FAM222B: variants seen among roughly 807,000 people sequenced by gnomAD.
FAM222B encodes family with sequence similarity 222 member B.
Under a neutral mutation model 38.0 loss-of-function variants are expected in FAM222B, and 12 were observed. The ratio of observed to expected loss-of-function variants is 0.32; its 90% CI spans 0.20 to 0.51. FAM222B has a LOEUF of 0.51. FAM222B is among the 20% of genes least tolerant of loss of function. FAM222B has a pLI of 0.97. For synonymous variants in FAM222B, 329 were observed against 317.2 expected (o/e 1.04, Z -0.40); for missense variants, 716 against 754.2 (o/e 0.95, Z 0.59).
intron 1 of FAM222B, among the ~76,000 whole-genome samples, chr17:28,803,815 T>TA (rs2037350610): frequency 6.6e-6 from 1 of 151,520 alleles, no homozygotes; most frequent in South Asian, 2.1e-4. Flanking sequence ...CCATCTCTAC[T>TA]AAAAAAATAC....
Position 28,822,737 on chromosome 17 carries a change from A to C in FAM222B, c.-41+19945T>G, listed in dbSNP as rs79759644. On this transcript the variant is annotated intron_variant, in intron 1 of 2. Transcript: ENST00000581407. ...GAACTGCTTAAAACCCAGGAGGTGGAGATTGCACTGAGCTGAGATCACGCC... is the reference window on the plus strand; with the variant it reads ...GAACTGCTTAAAACCCAGGAGGTGGCGATTGCACTGAGCTGAGATCACGCC... 2.6e-3 allele frequency among the ~76,000 whole-genome samples: 355 copies of C among 136,378 alleles called. 4 individuals carry two copies. The highest frequency in any genetic ancestry group is 8.9e-3 in the African/African-American group (325 of 36,604). The allele number at this position is 136,378 out of a possible 152,430, so 89.5% of individuals were successfully genotyped here. A position where few individuals can be genotyped will look rare whatever the true frequency, so the allele number is the denominator to read the frequency against.
At chr17:28,780,689 CT>C (rs1006852936) in intron 1 of FAM222B, among the ~76,000 whole-genome samples, 27 of 151,948 alleles carry the variant, frequency 1.8e-4, no homozygotes, top group African/African-American at 6.5e-4. Context: ...CGAGACCAGC[CT>C]AGCTAACATA....
At chr17:28,816,732 T>G (rs1403052952) in intron 1 of FAM222B, among the ~76,000 whole-genome samples, 3 of 152,132 alleles carry the variant, frequency 2.0e-5, no homozygotes, top group Admixed American at 2.0e-4. Context: ...ATTTACAGAA[T>G]TCAAACACCC....
rs539051909 is a variant in FAM222B at position 28,804,880 on chromosome 17, A to C, written c.-41+37802T>G. Among the ~76,000 whole-genome samples, 5 of 151,530 alleles carry C rather than the reference A, an allele frequency of 3.3e-5. No homozygotes were observed. The East Asian group carries it at 1.0e-3, about 30-fold the overall frequency. On this transcript the variant is annotated intron_variant, in intron 1 of 2. Transcript: ENST00000581407. ...ACACAGTGAAACCCCATCTCTACTG[A>C]AAATACAGAAACAAAATTAGCCAGG...
intron 1 of FAM222B, among the ~76,000 whole-genome samples, chr17:28,828,203 C>T (rs1042345445): frequency 6.9e-6 from 1 of 145,970 alleles, no homozygotes; most frequent in African/African-American, 2.5e-5. Context: ...CTCCGCCTCC[C>T]GGGTTCAAGC....
intron 1 of FAM222B, among the ~76,000 whole-genome samples, chr17:28,820,950 C>CTTTTTTTT (rs1456864304): frequency 2.1e-5 from 3 of 144,306 alleles, no homozygotes; most frequent in Non-Finnish European, 3.1e-5. Flanking sequence ...TGGTAAAACT[C>CTTTTTTTT]TTTTTATTTT....
intron 1 of FAM222B, among the ~76,000 whole-genome samples, chr17:28,821,309 T>C (rs1215809792): frequency 1.3e-5 from 2 of 152,170 alleles, no homozygotes; most frequent in Non-Finnish European, 2.9e-5. Flanking sequence ...TAAAAATATA[T>C]TGCCTCCTCA....
intron 1 of FAM222B, among the ~76,000 whole-genome samples, chr17:28,841,468 G>A (rs12943388): frequency 0.26 from 38,963 of 151,888 alleles, 5,488 homozygotes; most frequent in African/African-American, 0.37. Context: ...TCTGCCTCCC[G>A]GGTTCGAGTG....
intron 1 of FAM222B, among the ~76,000 whole-genome samples, chr17:28,827,542 G>A (rs1466599604): frequency 6.6e-6 from 1 of 152,190 alleles, no homozygotes; most frequent in Non-Finnish European, 1.5e-5. Context: ...TAGCAGGATA[G>A]TAAAATGTCA....
At position 28,756,843 on chromosome 17, in the gene FAM222B, G is replaced by A. The variant is rs997100575; in HGVS notation, c.*1427C>T. 1 of 152,386 alleles carries A rather than the reference G, an allele frequency of 6.6e-6. No homozygotes were observed. Among genetic ancestry groups the A allele is most frequent in the Non-Finnish European group, 1.5e-5 (1 of 68,022 alleles). The allele number at this position is 152,386 out of a possible 1,614,324, so 9.4% of individuals were successfully genotyped here. A position where few individuals can be genotyped will look rare whatever the true frequency, so the allele number is the denominator to read the frequency against. ...GAGAATTTCTGGCTAACGAACAGTA[G>A]TGGATAGTGAACAAAATGCAAAACC... On this transcript the variant is annotated 3_prime_UTR_variant, in exon 3 of 3. Transcript: ENST00000581407.
At chr17:28,794,919 C>G (rs1436976390) in intron 1 of FAM222B, among the ~76,000 whole-genome samples, 5 of 151,898 alleles carry the variant, frequency 3.3e-5, no homozygotes, top group Non-Finnish European at 7.4e-5. Flanking sequence ...GTGGTGAAAC[C>G]CCATCTCCAC....
chr17:28,781,691 A>G (rs2036175001), intron 1 of FAM222B, among the ~76,000 whole-genome samples: 1 of 152,230 alleles, frequency 6.6e-6, no homozygotes, highest in Non-Finnish European at 1.5e-5. Context: ...ACACAATGAA[A>G]GACTATTCAG....
intron 1 of FAM222B, among the ~76,000 whole-genome samples, chr17:28,852,211 C>G (rs1055402310): frequency 6.6e-6 from 1 of 151,704 alleles, no homozygotes; most frequent in African/African-American, 2.4e-5. Context: ...ACTAAAAATA[C>G]AAAAAATTAG....
chr17:28,835,998 A>G (rs2038834365), intron 1 of FAM222B, among the ~76,000 whole-genome samples: 1 of 150,180 alleles, frequency 6.7e-6, no homozygotes. Flanking sequence ...TTTTTATTAT[A>G]TATTTTTTTC....
At chr17:28,823,875 ATTTT>A (rs367743538) in intron 1 of FAM222B, among the ~76,000 whole-genome samples, 2 of 134,058 alleles carry the variant, frequency 1.5e-5, no homozygotes, top group Admixed American at 7.8e-5. Context: ...CCAAAAGAGA[ATTTT>A]TTTTTTTTTT....
intron 1 of FAM222B, among the ~76,000 whole-genome samples, chr17:28,803,962 C>G (rs1023290029): frequency 6.6e-6 from 1 of 151,604 alleles, no homozygotes; most frequent in Non-Finnish European, 1.5e-5. Flanking sequence ...GCCTGGGTGA[C>G]AGAGCAAGAC....
At chr17:28,769,174 CTTTTTTT>C (rs35918064) in intron 1 of FAM222B, among the ~76,000 whole-genome samples, 34 of 82,576 alleles carry the variant, frequency 4.1e-4, no homozygotes, top group Admixed American at 1.8e-3. Flanking sequence ...AATGTTAGTT[CTTTTTTT>C]TTTTTTTTTT....
In FAM222B at chr17:28,756,304, G is replaced by A. The variant is rs187425273; in HGVS notation, c.*1966C>T. 1 of 152,764 alleles carries A rather than the reference G, an allele frequency of 6.5e-6. No homozygotes were observed. The highest frequency in any genetic ancestry group is 1.9e-4 in the East Asian group (1 of 5,176). The allele number at this position is 152,764 out of a possible 1,614,324, so 9.5% of individuals were successfully genotyped here. ...ACAGTACATTTTCCATGCAGACTAA[G>A]GGTGGGAGTGAGAGCTTCAGAGGCT... On this transcript the variant is annotated 3_prime_UTR_variant, in exon 3 of 3. Transcript: ENST00000581407.
intron 1 of FAM222B, among the ~76,000 whole-genome samples, chr17:28,820,703 G>A (rs917342725): frequency 4.0e-5 from 6 of 151,438 alleles, no homozygotes; most frequent in African/African-American, 9.7e-5. Context: ...GCAAGATCTC[G>A]GATAACTGCA....
Sources: gnomAD v4.1 joint callset for allele counts (sites outside exome capture counted in the v4.1 genomes callset) on GRCh38, gnomAD v4.1.1 for gene constraint, MANE v1.5 for transcripts, NCBI Gene and HGNC (gene_info 2026-07-23, HGNC 2026-07-21) for gene names.